Variants in LGR6 observed in about 807,000 individuals in gnomAD.
LGR6 encodes leucine rich repeat containing G protein-coupled receptor 6.
Under a neutral mutation model 69.4 loss-of-function variants are expected in LGR6, and 45 were observed. That is an observed-to-expected ratio of 0.65 (90% CI 0.51 to 0.83). The LOEUF is 0.83. Ranked by LOEUF, LGR6 falls within the 40% of genes least tolerant of loss-of-function variation. The pLI is 0.00. For synonymous variants in LGR6, 538 were observed against 555.0 expected (o/e 0.97, Z 0.43); for missense variants, 1,108 against 1,246.7 (o/e 0.89, Z 1.68).
At chr1:202,302,394 C>T (rs1328005313) in intron 9 of LGR6, among the ~76,000 whole-genome samples, 1 of 152,124 alleles carries the variant, frequency 6.6e-6, no homozygotes, top group Non-Finnish European at 1.5e-5. Context: ...CTGGACCCCA[C>T]GCTGCCTCCT....
chr1:202,264,437 C>T (rs989554161), intron 4 of LGR6, among the ~76,000 whole-genome samples: 6 of 152,222 alleles, frequency 3.9e-5, no homozygotes, highest in African/African-American at 7.2e-5. Flanking sequence ...CCATCGGCCT[C>T]TTCCTCTACC....
At chr1:202,270,871 G>A (rs953552279) in intron 4 of LGR6, among the ~76,000 whole-genome samples, 1 of 152,142 alleles carries the variant, frequency 6.6e-6, no homozygotes, top group African/African-American at 2.4e-5. Context: ...GACTTGGAGG[G>A]AAGGGTCCCC....
At chr1:202,216,612 CGTT>C (rs1558010853) in intron 1 of LGR6, among the ~76,000 whole-genome samples, 13 of 150,756 alleles carry the variant, frequency 8.6e-5, no homozygotes, top group Admixed American at 3.3e-4. Flanking sequence ...GTAGGTCTTG[CGTT>C]GTCTCTCAGA....
intron 6 of LGR6, among the ~76,000 whole-genome samples, chr1:202,283,536 AGG>A (rs1179651412): frequency 2.6e-5 from 4 of 152,196 alleles, no homozygotes; most frequent in African/African-American, 9.6e-5. Context: ...CCGGCAGCAG[AGG>A]GAAGATCAAA....
rs778001193 is a variant in LGR6, at chr1:202,318,112, G to A, written c.1809G>A (p.Ala603=). The A allele has an allele frequency of 1.1e-5, 17 of 1,614,014 alleles. No homozygotes were observed. Among genetic ancestry groups the A allele is most frequent in the South Asian group, 6.6e-5 (6 of 91,088 alleles). ...CCCCGGTCAAGTTTGTGGTAGGTGC[G>A]ATTGCAGGCGCCAACACCTTGACTG... is the stretch of plus-strand genomic sequence containing the variant. The part of the protein sequence containing the change: ...PLPPVKFVVG[A]IAGANTLTGI... The change falls in exon 18 of 18, where the codon GCG becomes GCA. Residue 603 remains alanine (A), a synonymous_variant. Transcript: ENST00000367278.
intron 4 of LGR6, among the ~76,000 whole-genome samples, chr1:202,255,217 C>T (rs1345433452): frequency 2.0e-5 from 3 of 152,140 alleles, no homozygotes; most frequent in Admixed American, 6.5e-5. Context: ...GATGTGTGTC[C>T]CAGAAAAGCA....
At chr1:202,205,801 T>C (rs944261044) in intron 1 of LGR6, among the ~76,000 whole-genome samples, 3 of 119,886 alleles carry the variant, frequency 2.5e-5, no homozygotes, top group Non-Finnish European at 5.0e-5. Flanking sequence ...CCTTCAAACA[T>C]ACACACCTCC....
intron 4 of LGR6, among the ~76,000 whole-genome samples, chr1:202,264,429 A>G (rs367982131): frequency 1.2e-4 from 19 of 152,190 alleles, no homozygotes; most frequent in African/African-American, 4.1e-4. Flanking sequence ...GAAGATCTCC[A>G]TCGGCCTCTT....
At chr1:202,233,956 C>G (rs537769096) in intron 3 of LGR6, among the ~76,000 whole-genome samples, 15 of 152,226 alleles carry the variant, frequency 9.9e-5, no homozygotes, top group Admixed American at 6.5e-4. Flanking sequence ...TGGATCAGGG[C>G]TGTCTGACTT....
At chr1:202,283,297 T>G (rs986403419) in intron 6 of LGR6, among the ~76,000 whole-genome samples, 1 of 152,136 alleles carries the variant, frequency 6.6e-6, no homozygotes, top group African/African-American at 2.4e-5. Context: ...GTGTTCTTTA[T>G]CCTCTGTTCC....
At chr1:202,246,698 A>G (rs1196085683) in intron 4 of LGR6, among the ~76,000 whole-genome samples, 1 of 152,096 alleles carries the variant, frequency 6.6e-6, no homozygotes, top group Non-Finnish European at 1.5e-5. Flanking sequence ...AACATGATGT[A>G]AAATATGTAT....
chr1:202,306,079 T>C (rs893989445), intron 12 of LGR6, among the ~76,000 whole-genome samples: 1 of 152,084 alleles, frequency 6.6e-6, no homozygotes, highest in Non-Finnish European at 1.5e-5. Flanking sequence ...CCCAGTGGGA[T>C]GGACCGGAGA....
At chr1:202,197,638 G>A (rs1348813947) in intron 1 of LGR6, among the ~76,000 whole-genome samples, 5 of 151,594 alleles carry the variant, frequency 3.3e-5, no homozygotes, top group Non-Finnish European at 7.4e-5. Context: ...AAGAAGACCA[G>A]TAATGTGCTG....
At chr1:202,308,301 G>A (rs1653428238) in intron 14 of LGR6, among the ~76,000 whole-genome samples, 1 of 152,180 alleles carries the variant, frequency 6.6e-6, no homozygotes, top group Admixed American at 6.5e-5. Context: ...CAGATAGGTA[G>A]GGTGGATATT....
At position 202,303,365 on chromosome 1, in the gene LGR6, C is replaced by T; in HGVS notation, c.998+18C>T. On this transcript the variant is annotated intron_variant, in intron 10 of 17. Coordinates refer to ENST00000367278, the MANE Select transcript of LGR6 (RefSeq NM_001017403.2). ...GAGATCCTGTGAGTGGCTTCTCTCTCCCTACCTTATCTATCGCCCCAGCTT... is the reference window on the plus strand; with the variant it reads ...GAGATCCTGTGAGTGGCTTCTCTCTTCCTACCTTATCTATCGCCCCAGCTT... 1 of 1,601,362 alleles carries T rather than the reference C, an allele frequency of 6.2e-7. No individual in the cohort carries two copies.
intron 5 of LGR6, among the ~76,000 whole-genome samples, chr1:202,279,419 G>A (rs933444660): frequency 1.2e-4 from 18 of 152,122 alleles, no homozygotes; most frequent in Non-Finnish European, 2.6e-4. Flanking sequence ...CTTTATATTT[G>A]AACAACATCT....
rs1461911025 is a variant in LGR6, at chr1:202,318,239, G to T, written c.1936G>T (p.Gly646Cys). 3.7e-6 allele frequency: 6 copies of T among 1,611,804 alleles called. No individual in the cohort carries two copies. The highest frequency in any genetic ancestry group is 4.2e-6 in the Non-Finnish European group (5 of 1,179,290). Reference protein sequence around the residue: ...WETGLGCRATGFLAVLGSEAS... With the variant: ...WETGLGCRATCFLAVLGSEAS... ...GACGGGGCTAGGCTGCCGGGCCACT[G>T]GCTTCCTGGCAGTACTTGGGTCGGA... Residue 646 changes from glycine (G) to cysteine (C), a missense_variant, in exon 18 of 18, where the codon GGC becomes TGC. Coordinates refer to ENST00000367278, the MANE Select transcript of LGR6 (RefSeq NM_001017403.2).
chr1:202,247,104 A>C (rs1163086048), intron 4 of LGR6, among the ~76,000 whole-genome samples: 1 of 152,218 alleles, frequency 6.6e-6, no homozygotes, highest in African/African-American at 2.4e-5. Flanking sequence ...TCTCAGACTT[A>C]GTGAACTGGA....
At position 202,233,971 on chromosome 1, in the gene LGR6, G is replaced by T. The variant is rs1271668294; in HGVS notation, c.357-1951G>T. Among the ~76,000 whole-genome samples, 4 of 152,352 alleles carry T rather than the reference G, an allele frequency of 2.6e-5. No homozygotes were observed. The East Asian group carries it at 7.7e-4, about 29-fold the overall frequency. On this transcript the variant is annotated intron_variant, in intron 3 of 17. Coordinates refer to ENST00000367278, the MANE Select transcript of LGR6 (RefSeq NM_001017403.2). Reference sequence around the variant, plus strand: ...TGGATCAGGGCTGTCTGACTTCAGAGTCTGCATCTGTGACAACTATACTGT... The same window carrying T: ...TGGATCAGGGCTGTCTGACTTCAGATTCTGCATCTGTGACAACTATACTGT...
Sources: gnomAD v4.1 joint callset for allele counts (sites outside exome capture counted in the v4.1 genomes callset) on GRCh38, gnomAD v4.1.1 for gene constraint, MANE v1.5 for transcripts, NCBI Gene and HGNC (gene_info 2026-07-23, HGNC 2026-07-21) for gene names.